The following PCDHGB3 variants were observed in gnomAD, a reference collection of about 807,000 sequenced individuals.
The protein encoded by PCDHGB3 is protocadherin gamma subfamily B, 3, also known as protocadherin gamma-B3.
In PCDHGB3, 40 loss-of-function variants were observed where a neutral mutation model predicts 59.2. The ratio of observed to expected loss-of-function variants is 0.68; its 90% CI spans 0.52 to 0.88. The LOEUF (loss-of-function observed/expected upper bound fraction) is 0.88, where lower values mean the gene tolerates loss of function less well. Ranked by LOEUF, PCDHGB3 falls within the 40% of genes least tolerant of loss-of-function variation. PCDHGB3 has a pLI of 0.00. For synonymous variants in PCDHGB3, 581 were observed against 503.6 expected, an observed-to-expected ratio of 1.15 and a Z score of -2.06; for missense variants, 1,309 against 1,187.9, an observed-to-expected ratio of 1.10 and a Z score of -1.50.
Position 141,476,676 on chromosome 5 carries a change from G to T in PCDHGB3, c.2416-18131G>T. 1.2e-6 allele frequency: 2 copies of T among 1,614,222 alleles called. No individual in the cohort carries two copies. The highest frequency in any genetic ancestry group is 1.7e-6 in the Non-Finnish European group (2 of 1,180,054). ...TACTTTGCGCTTCGCGTGCAGACGC[G>T]GGAGGACAGCACCAAGTACGCGGAG... On this transcript the variant is annotated intron_variant, in intron 1 of 3. Transcript: ENST00000576222. The surrounding 1 kb of genome is among the most constrained non-coding windows in gnomAD (Gnocchi z 7.6).
In PCDHGB3 at chr5:141,413,348, T is replaced by C. The variant is rs1217580039; in HGVS notation, c.2415+40539T>C. On this transcript the variant is annotated intron_variant, in intron 1 of 3. Transcript: ENST00000576222. The stretch of plus-strand genomic sequence containing the variant: ...GGCAACATCTCCAAGGACTTGGGTC[T>C]GGCGCCCCGGGAGCTGGCGGAGCGC... The C allele has an allele frequency of 1.9e-6, 3 of 1,613,872 alleles. No homozygotes were observed. In the Admixed American group the frequency reaches 5.0e-5, roughly 27 times the overall value.
intron 1 of PCDHGB3, among the ~76,000 whole-genome samples, chr5:141,463,049 T>C (rs529642816): frequency 3.9e-4 from 60 of 152,326 alleles, no homozygotes; most frequent in African/African-American, 1.3e-3. Context: ...CAGCAGGGTC[T>C]CTTTATTATG....
At chr5:141,425,111 A>C (rs2096857405) in intron 1 of PCDHGB3, among the ~76,000 whole-genome samples, 1 of 152,144 alleles carries the variant, frequency 6.6e-6, no homozygotes, top group Non-Finnish European at 1.5e-5. Flanking sequence ...AGATGCCTAC[A>C]TTTTTCTTGA....
intron 1 of PCDHGB3, among the ~76,000 whole-genome samples, chr5:141,449,636 TA>T (rs1448731592): frequency 7.3e-5 from 11 of 150,610 alleles, no homozygotes; most frequent in Non-Finnish European, 1.2e-4. Flanking sequence ...AAGATGTATC[TA>T]TATATACATA....
Position 141,491,414 on chromosome 5 carries a change from G to A in PCDHGB3, c.2416-3393G>A. On this transcript the variant is annotated intron_variant, in intron 1 of 3. Coordinates refer to ENST00000576222, the MANE Select transcript of PCDHGB3 (RefSeq NM_018924.5). The surrounding 1 kb of genome is among the most constrained non-coding windows in gnomAD (Gnocchi z 6.9). ...CTTCAGGGAAACGCAGACGGGGACGGGGGTGGAGGGCAGTGCTGCAGGCGC... is the reference window on the plus strand; with the variant it reads ...CTTCAGGGAAACGCAGACGGGGACGAGGGTGGAGGGCAGTGCTGCAGGCGC... 2 of 1,614,126 alleles carry A rather than the reference G, an allele frequency of 1.2e-6. No individual in the cohort carries two copies. Among genetic ancestry groups the A allele is most frequent in the Non-Finnish European group, 1.7e-6 (2 of 1,180,022 alleles).
At chr5:141,433,694 G>T (rs539494151) in intron 1 of PCDHGB3, among the ~76,000 whole-genome samples, 1 of 152,126 alleles carries the variant, frequency 6.6e-6, no homozygotes, top group South Asian at 2.1e-4. Flanking sequence ...AAAATTAGCC[G>T]GGCGTGGTGG....
intron 1 of PCDHGB3, among the ~76,000 whole-genome samples, chr5:141,464,827 C>T (rs529757361): frequency 1.5e-4 from 23 of 152,246 alleles, no homozygotes; most frequent in African/African-American, 4.6e-4. Flanking sequence ...TAGCCTCGCA[C>T]TCCTGGGCTC....
chr5:141,426,590 C>T (rs2096945493), intron 1 of PCDHGB3: 1 of 369,282 alleles, frequency 2.7e-6, no homozygotes, highest in East Asian at 7.4e-5. Context: ...TCCTCTGTGT[C>T]ATACCCTTAG....
At chr5:141,502,356 G>C (rs1443285213) in intron 2 of PCDHGB3, among the ~76,000 whole-genome samples, 4 of 151,838 alleles carry the variant, frequency 2.6e-5, no homozygotes. Flanking sequence ...TAATGACATG[G>C]ATATTTTTAA....
intron 1 of PCDHGB3, among the ~76,000 whole-genome samples, chr5:141,475,750 T>C (rs1158317865): frequency 6.6e-6 from 1 of 152,270 alleles, no homozygotes; most frequent in African/African-American, 2.4e-5. Context: ...AGGTTTCCTA[T>C]GCACCGATAC....
chr5:141,410,466 G>T (rs536543649), intron 1 of PCDHGB3: 2 of 1,613,908 alleles, frequency 1.2e-6, no homozygotes, highest in South Asian at 1.1e-5. Context: ...TATAATCTGT[G>T]CATTGCACAT....
chr5:141,408,431 G>A, intron 1 of PCDHGB3: 1 of 1,614,064 alleles, frequency 6.2e-7, no homozygotes. Flanking sequence ...GCACTTCAGC[G>A]TAGACGCGGA....
intron 1 of PCDHGB3, chr5:141,378,627 TG>T (rs1588860853): frequency 6.6e-6 from 1 of 152,240 alleles, no homozygotes; most frequent in Admixed American, 6.5e-5. Context: ...GATGACTGAC[TG>T]GTGAATGGGA....
At chr5:141,417,993 C>T (rs753867006) in intron 1 of PCDHGB3, 11 of 1,613,830 alleles carry the variant, frequency 6.8e-6, no homozygotes, top group Non-Finnish European at 7.6e-6. Flanking sequence ...GCCAAGGGCT[C>T]GGTGGTGGGG....
rs549051669 is a variant in PCDHGB3, at chr5:141,450,866, C to A, written c.2416-43941C>A. 4.7e-5 allele frequency among the ~76,000 whole-genome samples: 7 copies of A among 149,836 alleles called. No homozygotes were observed. In the East Asian group the frequency reaches 1.4e-3, roughly 29 times the overall value. On this transcript the variant is annotated intron_variant, in intron 1 of 3. Transcript: ENST00000576222. ...TTGAGATGGGGTCTTGCTCTGTCAC[C>A]CAGGCTGGTGTGCAGTGGTGCGATA...
At chr5:141,410,266 G>A in intron 1 of PCDHGB3, 1 of 1,614,036 alleles carries the variant, frequency 6.2e-7, no homozygotes, top group South Asian at 1.1e-5. Context: ...AGGCTGAACT[G>A]CAGTTTTACC....
In PCDHGB3 at chr5:141,404,489, G is replaced by A. The variant is rs867768935; in HGVS notation, c.2415+31680G>A. 30 of 1,613,796 alleles carry A rather than the reference G, an allele frequency of 1.9e-5. No individual in the cohort carries two copies. The highest frequency in any genetic ancestry group is 1.3e-4 in the African/African-American group (10 of 75,048). On this transcript the variant is annotated intron_variant, in intron 1 of 3. Transcript: ENST00000576222. ...TGTCTCTATTAACTCAGACACTGGT[G>A]TGCTGTATGCTCTGTGCTCCTTTGA...
chr5:141,435,686 T>C (rs2097774326), intron 1 of PCDHGB3, among the ~76,000 whole-genome samples: 1 of 152,340 alleles, frequency 6.6e-6, no homozygotes, highest in Non-Finnish European at 1.5e-5. Flanking sequence ...GAGAACTTTA[T>C]GCTTATTGTA....
At chr5:141,482,999 T>G (rs1031397558) in intron 1 of PCDHGB3, among the ~76,000 whole-genome samples, 3 of 151,950 alleles carry the variant, frequency 2.0e-5, no homozygotes, top group Non-Finnish European at 2.9e-5. Flanking sequence ...GCAGGAGAAT[T>G]GCTTGAACCC....
Sources: allele counts gnomAD v4.1 joint callset (sites outside exome capture counted in the v4.1 genomes callset), GRCh38; gene constraint gnomAD v4.1.1; non-coding constraint Gnocchi (gnomAD v3.1); transcripts MANE v1.5; gene names NCBI Gene and HGNC (gene_info 2026-07-23, HGNC 2026-07-21).